PHACTR2: variants seen among roughly 807,000 people sequenced by gnomAD.
PHACTR2 encodes the protein chromosome 6 open reading frame 56.
In PHACTR2, 30 loss-of-function variants were observed where a neutral mutation model predicts 76.0. That is an observed-to-expected ratio of 0.39 (90% confidence interval 0.30 to 0.54). The LOEUF (loss-of-function observed/expected upper bound fraction) is 0.54. Among genes scored for constraint, PHACTR2 ranks in the 20% least tolerant of loss-of-function variants. The pLI, the probability that PHACTR2 is intolerant of heterozygous loss-of-function variation, is 0.61. For synonymous variants in PHACTR2, 292 were observed against 292.5 expected, an observed-to-expected ratio of 1.00 and a Z score of 0.02; for missense variants, 696 against 781.1, an observed-to-expected ratio of 0.89 and a Z score of 1.30.
At position 143,700,932 on chromosome 6, in the gene PHACTR2, T is replaced by A. The variant is rs1278539931; in HGVS notation, c.47-11084T>A. ...GCGACATCTTGCTATTCCTAAGCAG[T>A]CATCCTATCTGTTCATAGAGACAAC... On this transcript the variant is annotated intron_variant, in intron 1 of 12. Coordinates refer to ENST00000440869, the MANE Select transcript of PHACTR2 (RefSeq NM_001100164.2). This position sits in a 1 kb window ranked among gnomAD's most constrained non-coding sequence, Gnocchi z 4.1. 6.6e-6 allele frequency among the ~76,000 whole-genome samples: 1 copy of A among 152,272 alleles called. No homozygotes were observed. Among genetic ancestry groups the A allele is most frequent in the Non-Finnish European group, 1.5e-5 (1 of 68,046 alleles).
rs1008019385 is a variant in PHACTR2, at chr6:143,823,558, G to T, written c.1923-116G>T. On this transcript the variant is annotated intron_variant, in intron 12 of 12. Coordinates refer to ENST00000440869, the MANE Select transcript of PHACTR2 (RefSeq NM_001100164.2). The surrounding 1 kb of genome is among the most constrained non-coding windows in gnomAD (Gnocchi z 5.7). ...ACAGAAATTTGTAAACAGTAATTCA[G>T]TTGGGGGATATCTGGGGTACCTTTT... 5 of 703,938 alleles carry T rather than the reference G, an allele frequency of 7.1e-6. No homozygotes were observed. The highest frequency in any genetic ancestry group is 7.0e-5 in the African/African-American group (4 of 57,152). The allele number at this position is 703,938 out of a possible 1,614,324, so 43.6% of individuals were successfully genotyped here. A position where few individuals can be genotyped will look rare whatever the true frequency, so the allele number is the denominator to read the frequency against.
chr6:143,694,149 G>T lies in PHACTR2; in HGVS notation c.46+15940G>T, dbSNP rs187960522. 1.9e-3 allele frequency among the ~76,000 whole-genome samples: 267 copies of T among 139,316 alleles called. 1 individual carries two copies. Among genetic ancestry groups the T allele is most frequent in the African/African-American group, 6.6e-3 (249 of 37,836 alleles). The allele number at this position is 139,316 out of a possible 152,430, so 91.4% of individuals were successfully genotyped here. ...AAGAAGGAAGGAAGGAAGGAAGGAA[G>T]GCCTGCGACAGGGAGTGGGGAGGGA... On this transcript the variant is annotated intron_variant, in intron 1 of 12. Transcript: ENST00000440869.
intron 2 of PHACTR2, among the ~76,000 whole-genome samples, chr6:143,718,184 G>C (rs1235411489): frequency 2.6e-5 from 4 of 152,246 alleles, no homozygotes; most frequent in Non-Finnish European, 4.4e-5. Context: ...TGAAGGTACT[G>C]TGTACTCCCT....
Position 143,556,958 on chromosome 6 carries a change from C to G in PHACTR2, c.217+19751C>G, listed in dbSNP as rs1204033928. Among the ~76,000 whole-genome samples the G allele has an allele frequency of 6.6e-6, 1 of 152,194 alleles. No homozygotes were observed. Among genetic ancestry groups the G allele is most frequent in the Non-Finnish European group, 1.5e-5 (1 of 68,022 alleles). On this transcript the variant is annotated intron_variant, in intron 1 of 11. Coordinates refer to the PHACTR2 transcript ENST00000367584. The surrounding 1 kb of genome is among the most constrained non-coding windows in gnomAD (Gnocchi z 4.3). ...TCCTCCCTCAGAGAGACCACATTTC[C>G]TTTTGAAACAAAAATGAGGCCAGAA...
rs1176314331 is a variant in PHACTR2, at chr6:143,543,797, G to A, written c.217+6590G>A. 6.6e-6 allele frequency among the ~76,000 whole-genome samples: 1 copy of A among 152,150 alleles called. No individual in the cohort carries two copies. ...AGGTTGCTGTGTTTGCCTTTTTCCT[G>A]GGAGACACAATTTAGGCATTTGCAA... On this transcript the variant is annotated intron_variant, in intron 1 of 11. Coordinates refer to the PHACTR2 transcript ENST00000367584. This position sits in a 1 kb window ranked among gnomAD's most constrained non-coding sequence, Gnocchi z 4.7.
At chr6:143,667,705 T>C (rs1777065669) in intron 1 of PHACTR2, among the ~76,000 whole-genome samples, 1 of 152,266 alleles carries the variant, frequency 6.6e-6, no homozygotes, top group Non-Finnish European at 1.5e-5. Context: ...GGAATGCTTA[T>C]GATTTTTGCA....
intron 1 of PHACTR2, among the ~76,000 whole-genome samples, chr6:143,609,689 A>C (rs1775947102): frequency 6.6e-6 from 1 of 152,246 alleles, no homozygotes; most frequent in African/African-American, 2.4e-5. Context: ...AGCCTCATTT[A>C]AAACTTCTGC....
In PHACTR2 at chr6:143,777,798, A is replaced by G. The variant is rs755607185; in HGVS notation, c.1645+415A>G. ...ATTATTAACAATACAGTTTGTTGCTAGTTTAACAAATGGCTCAATTCAAAA... is the reference window on the plus strand; with the variant it reads ...ATTATTAACAATACAGTTTGTTGCTGGTTTAACAAATGGCTCAATTCAAAA... On this transcript the variant is annotated intron_variant, in intron 9 of 12. Transcript: ENST00000440869. The surrounding 1 kb of genome is among the most constrained non-coding windows in gnomAD (Gnocchi z 4.6). Among the ~76,000 whole-genome samples the G allele has an allele frequency of 6.6e-6, 1 of 152,258 alleles. No individual in the cohort carries two copies. The highest frequency in any genetic ancestry group is 1.5e-5 in the Non-Finnish European group (1 of 68,040).
chr6:143,730,286 C>A lies in PHACTR2; in HGVS notation c.214+18103C>A, dbSNP rs765674620. ...AGTTTGGGTAGAACTGATACCTATA[C>A]CATATTGAACTTTCTAATTTATGAA... On this transcript the variant is annotated intron_variant, in intron 2 of 12. Coordinates refer to ENST00000440869, the MANE Select transcript of PHACTR2 (RefSeq NM_001100164.2). The surrounding 1 kb of genome is among the most constrained non-coding windows in gnomAD (Gnocchi z 4.8). Among the ~76,000 whole-genome samples, 2 of 152,024 alleles carry A rather than the reference C, an allele frequency of 1.3e-5. No individual in the cohort carries two copies. Among genetic ancestry groups the A allele is most frequent in the Non-Finnish European group, 2.9e-5 (2 of 68,008 alleles).
At chr6:143,626,957 C>T (rs573588415) in intron 1 of PHACTR2, among the ~76,000 whole-genome samples, 2 of 152,366 alleles carry the variant, frequency 1.3e-5, no homozygotes, top group African/African-American at 4.8e-5. Flanking sequence ...AGCTACTTTA[C>T]AAGACAAACT....
rs1776134351 is a variant in PHACTR2, at chr6:143,809,571, A to G, written c.1922+2438A>G. ...ATATATTCTAATTAAGCATTCAAGC[A>G]ATACAAAATTCTATTAAGTATAAAT... On this transcript the variant is annotated intron_variant, in intron 12 of 12. Transcript: ENST00000440869. This position sits in a 1 kb window ranked among gnomAD's most constrained non-coding sequence, Gnocchi z 4.2. 6.6e-6 allele frequency among the ~76,000 whole-genome samples: 1 copy of G among 152,166 alleles called. No homozygotes were observed. The highest frequency in any genetic ancestry group is 2.1e-4 in the South Asian group (1 of 4,838).
chr6:143,661,025 TCTTC>T (rs1334003114), intron 1 of PHACTR2, among the ~76,000 whole-genome samples: 2 of 152,216 alleles, frequency 1.3e-5, no homozygotes, highest in Non-Finnish European at 2.9e-5. Context: ...AAAGTCTCAC[TCTTC>T]AAATGGCAAT....
intron 1 of PHACTR2, among the ~76,000 whole-genome samples, chr6:143,586,371 A>G (rs12205256): frequency 0.43 from 64,965 of 152,102 alleles, 14,198 homozygotes; most frequent in African/African-American, 0.46. Flanking sequence ...GTGAAATCAT[A>G]TAGATAAATC....
chr6:143,682,767 T>G (rs1777421865), intron 1 of PHACTR2, among the ~76,000 whole-genome samples: 1 of 146,788 alleles, frequency 6.8e-6, no homozygotes, highest in Non-Finnish European at 1.5e-5. Context: ...CAAAAAAAGT[T>G]GTTTTTTTGT....
intron 1 of PHACTR2, among the ~76,000 whole-genome samples, chr6:143,660,434 C>T (rs1258463135): frequency 6.6e-6 from 1 of 152,072 alleles, no homozygotes; most frequent in Non-Finnish European, 1.5e-5. Context: ...ATCACAAGAA[C>T]AGCACAGGAA....
Position 143,602,956 on chromosome 6 carries a change from C to T in PHACTR2, c.217+65749C>T, listed in dbSNP as rs1775827996. Reference sequence around the variant, plus strand: ...GGTCAGGAGTTTGAGACCAGCCTGGCCAACATGGCAAAACCCCGTCTCTAC... The same window carrying T: ...GGTCAGGAGTTTGAGACCAGCCTGGTCAACATGGCAAAACCCCGTCTCTAC... On this transcript the variant is annotated intron_variant, in intron 1 of 11. Coordinates refer to the PHACTR2 transcript ENST00000367584. The surrounding 1 kb of genome is among the most constrained non-coding windows in gnomAD (Gnocchi z 6.1). Among the ~76,000 whole-genome samples, 1 of 151,948 alleles carries T rather than the reference C, an allele frequency of 6.6e-6. No individual in the cohort carries two copies. The highest frequency in any genetic ancestry group is 6.6e-5 in the Admixed American group (1 of 15,266).
Position 143,641,472 on chromosome 6 carries a change from ATTTCTGTTGTT to A in PHACTR2, c.13+33151_13+33161del. Among the ~76,000 whole-genome samples the A allele has an allele frequency of 6.6e-6, 1 of 151,750 alleles. No homozygotes were observed. The highest frequency in any genetic ancestry group is 1.5e-5 in the Non-Finnish European group (1 of 67,930). The stretch of plus-strand genomic sequence containing the variant: ...TACCTTCAGATCTGTGAAATAATAC[ATTTCTGTTGTT>A]GATTTGTTTGTTTGTTTGTGTGTTT... On this transcript the variant is annotated intron_variant, in intron 1 of 11. Transcript: ENST00000305766. The surrounding 1 kb of genome is among the most constrained non-coding windows in gnomAD (Gnocchi z 5.8).
intron 1 of PHACTR2, among the ~76,000 whole-genome samples, chr6:143,582,179 T>C (rs1340547953): frequency 1.3e-5 from 2 of 152,226 alleles, no homozygotes; most frequent in Non-Finnish European, 2.9e-5. Flanking sequence ...GTTGGAGAAC[T>C]GTGGGGCACC....
rs1775782376 is a variant in PHACTR2, at chr6:143,598,957, TAATTAA to T, written c.217+61752_217+61757del. Reference sequence around the variant, plus strand: ...GTAAACATAGTAGATTAGTCCTTTGTAATTAAATTTAGATAGCATCTCACCCCTGAC... The same window carrying T: ...GTAAACATAGTAGATTAGTCCTTTGTATTTAGATAGCATCTCACCCCTGAC... On this transcript the variant is annotated intron_variant, in intron 1 of 11. Transcript: ENST00000367584. The surrounding 1 kb of genome is among the most constrained non-coding windows in gnomAD (Gnocchi z 4.1). 6.6e-6 allele frequency among the ~76,000 whole-genome samples: 1 copy of T among 152,218 alleles called. No homozygotes were observed. The highest frequency in any genetic ancestry group is 2.4e-5 in the African/African-American group (1 of 41,448).
Sources: gnomAD v4.1 joint callset for allele counts (sites outside exome capture counted in the v4.1 genomes callset) on GRCh38, gnomAD v4.1.1 for gene constraint, Gnocchi (gnomAD v3.1) non-coding constraint, MANE v1.5 for transcripts, NCBI Gene and HGNC (gene_info 2026-07-23, HGNC 2026-07-21) for gene names.